Variants in PDZD2 observed in about 807,000 individuals in gnomAD.
The protein encoded by PDZD2 is PDZ domain containing 2.
In PDZD2, 90 loss-of-function variants were observed where a neutral mutation model predicts 220.7. The ratio of observed to expected loss-of-function variants is 0.41; its 90% CI spans 0.34 to 0.49. The LOEUF (loss-of-function observed/expected upper bound fraction) is 0.49. PDZD2 is among the 20% of genes least tolerant of loss of function. The pLI is 0.28. For synonymous variants in PDZD2, 1,375 were observed against 1,450.5 expected (o/e 0.95, Z 1.18); for missense variants, 3,174 against 3,608.5 (o/e 0.88, Z 3.08).
rs1204174130 is a variant in PDZD2, at chr5:32,110,054, A to ATTGTT, written c.*1922_*1926dup. Reference sequence around the variant, plus strand: ...ATGCTTGATTGATAGATATTGATTGATTGTTTTTCAGTCTCTGGGGTCAGT... The same window carrying ATTGTT: ...ATGCTTGATTGATAGATATTGATTGATTGTTTTGTTTTTCAGTCTCTGGGGTCAGT... On this transcript the variant is annotated 3_prime_UTR_variant, in exon 25 of 25. Coordinates refer to ENST00000438447, the MANE Select transcript of PDZD2 (RefSeq NM_178140.4). 1 of 126,226 alleles carries ATTGTT rather than the reference A, an allele frequency of 7.9e-6. No homozygotes were observed. Among genetic ancestry groups the ATTGTT allele is most frequent in the Non-Finnish European group, 1.7e-5 (1 of 59,248 alleles). 7.8% of individuals were successfully genotyped at this position (126,226 alleles called of 1,614,324 possible). A position where few individuals can be genotyped will look rare whatever the true frequency, so the allele number is the denominator to read the frequency against.
chr5:31,664,064 T>C (rs1489668999), intron 1 of PDZD2, among the ~76,000 whole-genome samples: 1 of 152,268 alleles, frequency 6.6e-6, no homozygotes, highest in Non-Finnish European at 1.5e-5. Flanking sequence ...GGTCTCTTAC[T>C]GTCTAGAGAA....
intron 2 of PDZD2, among the ~76,000 whole-genome samples, chr5:31,855,878 A>C (rs1185053094): frequency 1.3e-5 from 2 of 152,198 alleles, no homozygotes; most frequent in East Asian, 3.8e-4. Flanking sequence ...GTAGTTGATA[A>C]ACACCAGAAG....
chr5:31,788,750 A>G (rs1304409830), intron 1 of PDZD2, among the ~76,000 whole-genome samples: 1 of 152,186 alleles, frequency 6.6e-6, no homozygotes, highest in Non-Finnish European at 1.5e-5. Flanking sequence ...AGTAGTTTGT[A>G]TTTGCACTGT....
At chr5:32,029,893 T>G (rs1754989805) in intron 6 of PDZD2, among the ~76,000 whole-genome samples, 1 of 152,218 alleles carries the variant, frequency 6.6e-6, no homozygotes, top group East Asian at 1.9e-4. Context: ...AGGAAAAGAT[T>G]CTTGGCTTCT....
At chr5:31,737,439 T>A (rs1449871876) in intron 1 of PDZD2, among the ~76,000 whole-genome samples, 1 of 152,150 alleles carries the variant, frequency 6.6e-6, no homozygotes, top group Admixed American at 6.5e-5. Flanking sequence ...CCCAAAGTGC[T>A]GGGATTACAG....
chr5:31,947,832 G>A (rs1318516360), intron 2 of PDZD2, among the ~76,000 whole-genome samples: 1 of 151,968 alleles, frequency 6.6e-6, no homozygotes, highest in Non-Finnish European at 1.5e-5. Context: ...CTGTTGGTGG[G>A]GGGTGGTGGA....
At position 32,097,858 on chromosome 5, in the gene PDZD2, T is replaced by TA. The variant is rs914737827; in HGVS notation, c.7947+487dup. Among the ~76,000 whole-genome samples the TA allele has an allele frequency of 6.4e-4, 97 of 151,354 alleles. 1 individual carries two copies. The highest frequency in any genetic ancestry group is 1.6e-3 in the Admixed American group (25 of 15,222). Reference sequence around the variant, plus strand: ...CCCATGTCAGACACTAAAAAGGAGTTAAAAAAAAATGTGTGGAGACACTGG... The same window carrying TA: ...CCCATGTCAGACACTAAAAAGGAGTTAAAAAAAAAATGTGTGGAGACACTGG... On this transcript the variant is annotated intron_variant, in intron 22 of 24. Transcript: ENST00000438447.
chr5:31,826,913 G>A (rs1307893731), intron 2 of PDZD2, among the ~76,000 whole-genome samples: 3 of 152,252 alleles, frequency 2.0e-5, no homozygotes, highest in Middle Eastern at 6.8e-3. Flanking sequence ...CTGGAATCGA[G>A]CCGGGGTGAC....
At chr5:31,678,647 T>G (rs73072143) in intron 1 of PDZD2, among the ~76,000 whole-genome samples, 25,381 of 152,070 alleles carry the variant, frequency 0.17, 2,234 homozygotes, top group Middle Eastern at 0.22. Flanking sequence ...ACAGGGTTTC[T>G]CTCTGTCGCC....
At chr5:31,928,493 T>TGAGTCA (rs950221842) in intron 2 of PDZD2, among the ~76,000 whole-genome samples, 1 of 152,084 alleles carries the variant, frequency 6.6e-6, no homozygotes, top group African/African-American at 2.4e-5. Flanking sequence ...TTTTTTTTTT[T>TGAGTCA]GAGTCAGAGT....
At chr5:31,662,311 CAAATAAAT>C (rs998463930) in intron 1 of PDZD2, among the ~76,000 whole-genome samples, 2 of 151,886 alleles carry the variant, frequency 1.3e-5, no homozygotes, top group African/African-American at 4.8e-5. Context: ...AACTCCATCT[CAAATAAAT>C]AAATAAATAA....
At chr5:31,753,977 G>T (rs377180351) in intron 1 of PDZD2, among the ~76,000 whole-genome samples, 21 of 152,312 alleles carry the variant, frequency 1.4e-4, no homozygotes, top group African/African-American at 4.8e-4. Context: ...GAACCCCAGG[G>T]TTACTATCAT....
intron 21 of PDZD2, among the ~76,000 whole-genome samples, chr5:32,095,904 CTTT>C (rs78609791): frequency 1.6e-5 from 2 of 121,324 alleles, no homozygotes; most frequent in Non-Finnish European, 1.7e-5. Context: ...CCATGCCCGG[CTTT>C]TTTTTTTTTT....
At chr5:31,694,744 CT>C (rs34596550) in intron 1 of PDZD2, among the ~76,000 whole-genome samples, 64 of 143,812 alleles carry the variant, frequency 4.5e-4, no homozygotes, top group East Asian at 2.6e-3. Flanking sequence ...CAATAAATGC[CT>C]TTTTTTTTTT....
At chr5:31,723,153 C>T (rs253922) in intron 1 of PDZD2, among the ~76,000 whole-genome samples, 92,632 of 152,136 alleles carry the variant, frequency 0.61, 28,334 homozygotes, top group East Asian at 0.78. Flanking sequence ...ATTCTAGAGT[C>T]AATCCTTTAA....
At chr5:31,723,085 A>C (rs1748900456) in intron 1 of PDZD2, among the ~76,000 whole-genome samples, 1 of 152,280 alleles carries the variant, frequency 6.6e-6, no homozygotes, top group Non-Finnish European at 1.5e-5. Flanking sequence ...GCAGAACATG[A>C]ACATTAACTG....
intron 2 of PDZD2, among the ~76,000 whole-genome samples, chr5:31,952,886 C>A (rs1051880971): frequency 1.3e-5 from 2 of 151,794 alleles, no homozygotes; most frequent in Admixed American, 1.3e-4. Flanking sequence ...ATGGTGAAAC[C>A]CTGTCTCTAC....
chr5:32,068,234 A>G (rs10037444), intron 14 of PDZD2, among the ~76,000 whole-genome samples: 2,013 of 152,290 alleles, frequency 0.013, 62 homozygotes, highest in African/African-American at 0.047. Context: ...TTCTTCCAAG[A>G]TATCAGTGCC....
intron 6 of PDZD2, among the ~76,000 whole-genome samples, chr5:32,026,726 C>A (rs180730389): frequency 3.3e-5 from 5 of 152,268 alleles, no homozygotes; most frequent in Admixed American, 6.5e-5. Flanking sequence ...TAGCTCCAGA[C>A]CCCATAGTTT....
Sources: allele counts gnomAD v4.1 joint callset (sites outside exome capture counted in the v4.1 genomes callset), GRCh38; gene constraint gnomAD v4.1.1; transcripts MANE v1.5; gene names NCBI Gene and HGNC (gene_info 2026-07-23, HGNC 2026-07-21).